The following CDH23 variants were observed in gnomAD, a reference collection of about 807,000 sequenced individuals.
The protein encoded by CDH23 is cadherin related 23.
Under a neutral mutation model 317.1 loss-of-function variants are expected in CDH23, and 189 were observed. That is an observed-to-expected ratio of 0.60 (90% CI 0.53 to 0.67). The LOEUF (loss-of-function observed/expected upper bound fraction) is 0.67. Ranked by LOEUF, CDH23 falls within the 30% of genes least tolerant of loss-of-function variation. The probability of loss-of-function intolerance (pLI) is 0.00; values close to 1 mark genes in which losing one functional copy is unlikely to be tolerated. For missense variants in CDH23, 4,401 were observed against 4,592.4 expected (o/e 0.96, Z 1.20); for synonymous variants, 1,839 against 1,876.8 (o/e 0.98, Z 0.52).
At chr10:71,429,348 T>C (rs972022009) in intron 1 of CDH23, among the ~76,000 whole-genome samples, 4 of 152,166 alleles carry the variant, frequency 2.6e-5, no homozygotes, top group Admixed American at 6.5e-5. Flanking sequence ...TCTTCTCAAA[T>C]TGAATGGCAG....
At chr10:71,532,738 T>G (rs201214171) in intron 6 of CDH23, among the ~76,000 whole-genome samples, 52,236 of 118,334 alleles carry the variant, frequency 0.44, 9,939 homozygotes, top group East Asian at 0.62. Context: ...TTTTTTTTTT[T>G]TTTTTTTTTG....
intron 44 of CDH23, among the ~76,000 whole-genome samples, chr10:71,786,870 G>A (rs1252106368): frequency 1.3e-5 from 2 of 151,936 alleles, no homozygotes; most frequent in African/African-American, 2.4e-5. Context: ...CCTGGCTTCA[G>A]GAGGGCCCCG....
intron 18 of CDH23, among the ~76,000 whole-genome samples, chr10:71,687,129 C>CCAGCA (rs1864938548): frequency 6.6e-6 from 1 of 152,212 alleles, no homozygotes; most frequent in South Asian, 2.1e-4. Context: ...GCTGTACCTG[C>CCAGCA]CAGCAGCCAG....
At chr10:71,637,742 C>A (rs758190667) in intron 11 of CDH23, among the ~76,000 whole-genome samples, 1 of 152,132 alleles carries the variant, frequency 6.6e-6, no homozygotes, top group Non-Finnish European at 1.5e-5. Flanking sequence ...CAGCCCCGAT[C>A]CAGCTTGGGC....
intron 1 of CDH23, among the ~76,000 whole-genome samples, chr10:71,431,382 TGA>T (rs1231507075): frequency 6.6e-6 from 1 of 152,122 alleles, no homozygotes; most frequent in Non-Finnish European, 1.5e-5. Flanking sequence ...AGAATAGCCA[TGA>T]GGTGGTCTTG....
chr10:71,677,655 G>T lies in CDH23; in HGVS notation c.1714G>T (p.Glu572Ter). 1 of 1,577,738 alleles carries T rather than the reference G, an allele frequency of 6.3e-7. No individual in the cohort carries two copies. The highest frequency in any genetic ancestry group is 8.6e-7 in the Non-Finnish European group (1 of 1,162,058). ...QKDAYVGALR[E>*]NEPSVTQLVR... ...GGATGCCTACGTGGGTGCTCTGCGGGAGAACGAGCCTTCTGTCACACAGCT... is the reference window on the plus strand; with the variant it reads ...GGATGCCTACGTGGGTGCTCTGCGGTAGAACGAGCCTTCTGTCACACAGCT... The change falls in exon 16 of 70, where the codon GAG becomes TAG. Residue 572 changes from glutamate to a stop codon, truncating the protein, a stop_gained. Coordinates refer to ENST00000224721, the MANE Select transcript of CDH23 (RefSeq NM_022124.6). LOFTEE classifies it high-confidence loss of function.
chr10:71,697,580 A>G (rs974439868), intron 22 of CDH23, among the ~76,000 whole-genome samples: 2 of 152,034 alleles, frequency 1.3e-5, no homozygotes, highest in Non-Finnish European at 2.9e-5. Context: ...GGCTAAGGCA[A>G]GATGATTTTT....
chr10:71,700,608 A>G (rs1019674283), intron 22 of CDH23, among the ~76,000 whole-genome samples: 1 of 152,280 alleles, frequency 6.6e-6, no homozygotes, highest in South Asian at 2.1e-4. Context: ...AGATAAGGAC[A>G]CCTCAGACCT....
chr10:71,735,266 G>A (rs568524228), intron 34 of CDH23, among the ~76,000 whole-genome samples: 16 of 152,290 alleles, frequency 1.1e-4, no homozygotes, highest in South Asian at 1.0e-3. Context: ...GGGACCATGG[G>A]CACAGGTTGT....
At chr10:71,775,947 A>C (rs1840808313) in intron 38 of CDH23, among the ~76,000 whole-genome samples, 1 of 152,128 alleles carries the variant, frequency 6.6e-6, no homozygotes, top group Admixed American at 6.5e-5. Context: ...ACTTGCCGGC[A>C]AGAATACAAG....
intron 46 of CDH23, chr10:71,790,726 A>G (rs1198776125): frequency 1.3e-5 from 6 of 470,092 alleles, no homozygotes; most frequent in Non-Finnish European, 2.3e-5. Context: ...CCCCTAGTCC[A>G]GCAGAAGTAG....
chr10:71,807,301 C>T lies in CDH23; in HGVS notation c.8203C>T (p.Leu2735=). ...PPKGSPQYQL[L]TVPEHSPRGT... ...GAAAGGCAGCCCCCAGTACCAGCTG[C>T]TGACAGTGCCTGAGCACTCACCACG... Residue 2735 remains leucine (L), a synonymous_variant, in exon 58 of 70, where the codon CTG becomes TTG. Coordinates refer to ENST00000224721, the MANE Select transcript of CDH23 (RefSeq NM_022124.6). 6.2e-7 allele frequency: 1 copy of T among 1,613,902 alleles called. No homozygotes were observed. Among genetic ancestry groups the T allele is most frequent in the Non-Finnish European group, 8.5e-7 (1 of 1,179,834 alleles).
At chr10:71,690,012 C>T (rs1210580273) in intron 19 of CDH23, among the ~76,000 whole-genome samples, 1 of 152,150 alleles carries the variant, frequency 6.6e-6, no homozygotes, top group Non-Finnish European at 1.5e-5. Context: ...CTTAACTGAA[C>T]ATTAAAGAGA....
chr10:71,481,782 C>T (rs962259037), intron 3 of CDH23, among the ~76,000 whole-genome samples: 2 of 152,240 alleles, frequency 1.3e-5, no homozygotes, highest in Admixed American at 6.5e-5. Context: ...TCCTTCAGCT[C>T]GCAGAGCTAA....
intron 11 of CDH23, among the ~76,000 whole-genome samples, chr10:71,627,187 C>T (rs1324808564): frequency 1.3e-5 from 2 of 152,134 alleles, no homozygotes; most frequent in Admixed American, 6.5e-5. Context: ...TGCAAGGCCT[C>T]GGTTGTCTCA....
chr10:71,409,646 T>G (rs1848263257), intron 1 of CDH23, among the ~76,000 whole-genome samples: 1 of 152,010 alleles, frequency 6.6e-6, no homozygotes, highest in Non-Finnish European at 1.5e-5. Context: ...GGTGTCTACT[T>G]CCTCCTTTGT....
chr10:71,566,673 G>A (rs1315802953), intron 6 of CDH23, 69 bp from the exon 7 acceptor site: 1 of 1,378,216 alleles, frequency 7.3e-7, no homozygotes, highest in Middle Eastern at 1.9e-4. Context: ...GGCTTTGAGG[G>A]ACTCAGCCCT....
intron 3 of CDH23, among the ~76,000 whole-genome samples, chr10:71,448,206 T>C (rs900462311): frequency 1.3e-5 from 2 of 152,196 alleles, no homozygotes; most frequent in African/African-American, 4.8e-5. Flanking sequence ...TGGGGAGGGA[T>C]GGGCATTGCA....
chr10:71,502,261 C>T (rs1361260729), intron 3 of CDH23, among the ~76,000 whole-genome samples: 1 of 152,200 alleles, frequency 6.6e-6, no homozygotes. Context: ...GGTGTGAAGT[C>T]CTTTTAGGTC....
Sources: gnomAD v4.1 joint callset for allele counts (sites outside exome capture counted in the v4.1 genomes callset) on GRCh38, gnomAD v4.1.1 for gene constraint, MANE v1.5 for transcripts, NCBI Gene and HGNC (gene_info 2026-07-23, HGNC 2026-07-21) for gene names.